ZFAND3: variants seen among roughly 807,000 people sequenced by gnomAD.
ZFAND3 encodes AN1-type zinc finger protein 3.
ZFAND3 carries 10 observed loss-of-function variants against 29.6 expected under a neutral mutation model. The ratio of observed to expected loss-of-function variants is 0.34; its 90% CI spans 0.21 to 0.57. The LOEUF (loss-of-function observed/expected upper bound fraction) is 0.57, where lower values mean the gene tolerates loss of function less well. Ranked by LOEUF, ZFAND3 falls within the 20% of genes least tolerant of loss-of-function variation. The pLI is 0.86. For missense variants in ZFAND3, 230 were observed against 304.5 expected (o/e 0.76, Z 1.82); for synonymous variants, 128 against 112.6 (o/e 1.14, Z -0.87).
rs185149386 is a variant in ZFAND3, at chr6:38,133,606, C to T, written c.529+16867C>T. On this transcript the variant is annotated intron_variant, in intron 5 of 5. Coordinates refer to ENST00000287218, the MANE Select transcript of ZFAND3 (RefSeq NM_021943.3). ...CTACTAAAAATACAAAAAAATTAGCCGGGCGTGGTGGCGGGCGCCTGTAGT... is the reference window on the plus strand; with the variant it reads ...CTACTAAAAATACAAAAAAATTAGCTGGGCGTGGTGGCGGGCGCCTGTAGT... 4.3e-3 allele frequency among the ~76,000 whole-genome samples: 647 copies of T among 151,962 alleles called. 4 individuals carry two copies. The highest frequency in any genetic ancestry group is 0.015 in the African/African-American group (603 of 41,442).
At chr6:38,088,733 T>G (rs12192549) in intron 4 of ZFAND3, among the ~76,000 whole-genome samples, 8 of 152,364 alleles carry the variant, frequency 5.3e-5, no homozygotes, top group Non-Finnish European at 1.0e-4. Flanking sequence ...GATAATATTC[T>G]CTCTGATAGA....
chr6:38,137,768 C>T (rs1765870106), intron 5 of ZFAND3, among the ~76,000 whole-genome samples: 1 of 152,054 alleles, frequency 6.6e-6, no homozygotes, highest in Non-Finnish European at 1.5e-5. Flanking sequence ...GCCAGCCATT[C>T]AGAGAGTTGG....
At chr6:38,145,734 G>A (rs942479769) in intron 5 of ZFAND3, among the ~76,000 whole-genome samples, 2 of 152,124 alleles carry the variant, frequency 1.3e-5, no homozygotes, top group African/African-American at 4.8e-5. Context: ...TAGGTATTGG[G>A]CATCTTCAGG....
intron 2 of ZFAND3, among the ~76,000 whole-genome samples, chr6:38,028,671 G>A (rs1001164309): frequency 6.6e-6 from 1 of 152,164 alleles, no homozygotes; most frequent in Non-Finnish European, 1.5e-5. Context: ...CTCCTTTGCA[G>A]TGTAGCAACA....
chr6:37,900,732 C>T (rs1277696721), intron 1 of ZFAND3, among the ~76,000 whole-genome samples: 1 of 152,056 alleles, frequency 6.6e-6, no homozygotes, highest in East Asian at 1.9e-4. Context: ...GTAAAGAGTT[C>T]GTCATGGAGC....
chr6:37,913,708 C>CTTTTTTTTTTTTTTTT lies in ZFAND3; in HGVS notation c.72-16247_72-16232dup, dbSNP rs56045448. 2.8e-3 allele frequency among the ~76,000 whole-genome samples: 320 copies of CTTTTTTTTTTTTTTTT among 113,010 alleles called. 19 individuals carry two copies. The highest frequency in any genetic ancestry group is 4.3e-3 in the Non-Finnish European group (231 of 54,336). 74.1% of individuals were successfully genotyped at this position (113,010 alleles called of 152,430 possible). A position where few individuals can be genotyped will look rare whatever the true frequency, so the allele number is the denominator to read the frequency against. On this transcript the variant is annotated intron_variant, in intron 1 of 5. Coordinates refer to ENST00000287218, the MANE Select transcript of ZFAND3 (RefSeq NM_021943.3). The stretch of plus-strand genomic sequence containing the variant: ...CCCAGCTGTCTATGGCAGCTATATT[C>CTTTTTTTTTTTTTTTT]TTTTTTTTTTTTTTTTTTTGAGACA...
intron 2 of ZFAND3, among the ~76,000 whole-genome samples, chr6:38,059,173 T>G (rs1439861530): frequency 9.2e-5 from 14 of 152,170 alleles, no homozygotes; most frequent in Admixed American, 9.2e-4. Context: ...CAGAACAAGA[T>G]AGAAGACCCG....
chr6:38,132,017 C>A (rs889711827), intron 5 of ZFAND3, among the ~76,000 whole-genome samples: 2 of 152,080 alleles, frequency 1.3e-5, no homozygotes, highest in African/African-American at 4.8e-5. Context: ...TAGAGTGTTT[C>A]CCCCCCACCA....
intron 1 of ZFAND3, among the ~76,000 whole-genome samples, chr6:37,902,623 C>T (rs1190617469): frequency 6.6e-6 from 1 of 151,998 alleles, no homozygotes; most frequent in Non-Finnish European, 1.5e-5. Context: ...ACATCTGTTT[C>T]CAATAGCTGT....
chr6:38,133,634 C>T (rs563064763), intron 5 of ZFAND3, among the ~76,000 whole-genome samples: 13 of 151,994 alleles, frequency 8.6e-5, no homozygotes, highest in Admixed American at 5.2e-4. Context: ...CCTGTAGTCC[C>T]AGCTACTCGG....
chr6:37,832,559 A>G (rs917775959), intron 1 of ZFAND3, among the ~76,000 whole-genome samples: 1 of 152,180 alleles, frequency 6.6e-6, no homozygotes, highest in Non-Finnish European at 1.5e-5. Flanking sequence ...GAAGATGGTA[A>G]TGGGTGGTGA....
chr6:37,894,038 T>G (rs1048360832), intron 1 of ZFAND3, among the ~76,000 whole-genome samples: 9 of 152,176 alleles, frequency 5.9e-5, no homozygotes, highest in South Asian at 4.2e-4. Flanking sequence ...GTGGATCCCT[T>G]GAGTCCAGGA....
intron 1 of ZFAND3, among the ~76,000 whole-genome samples, chr6:37,829,767 G>A (rs116425479): frequency 2.4e-4 from 36 of 152,258 alleles, no homozygotes; most frequent in Non-Finnish European, 3.8e-4. Flanking sequence ...GCTTAAAACC[G>A]TGCATTTTAT....
intron 5 of ZFAND3, among the ~76,000 whole-genome samples, chr6:38,144,218 A>ATATATAATAT: frequency 3.2e-5 from 1 of 31,448 alleles, no homozygotes; most frequent in African/African-American, 1.9e-4. Context: ...TATAATATAT[A>ATATATAATAT]ATATATATAT....
chr6:38,021,367 A>G (rs972898704), intron 2 of ZFAND3, among the ~76,000 whole-genome samples: 36 of 152,362 alleles, frequency 2.4e-4, no homozygotes, highest in African/African-American at 7.7e-4. Context: ...AGGGAGGACT[A>G]TGCTATTCAT....
At chr6:37,848,949 A>G (rs1764232712) in intron 1 of ZFAND3, among the ~76,000 whole-genome samples, 2 of 152,250 alleles carry the variant, frequency 1.3e-5, no homozygotes, top group South Asian at 4.1e-4. Flanking sequence ...ACTTTGATCT[A>G]GTTTGACAAG....
intron 1 of ZFAND3, 28 bp downstream of exon 1, chr6:37,820,044 G>T: frequency 3.3e-6 from 4 of 1,211,204 alleles, no homozygotes; most frequent in Non-Finnish European, 4.1e-6. Context: ...TGGGGGCGGG[G>T]GGCGGGGGCC....
chr6:38,017,040 G>A (rs1763263874), intron 2 of ZFAND3, among the ~76,000 whole-genome samples: 1 of 152,174 alleles, frequency 6.6e-6, no homozygotes, highest in Non-Finnish European at 1.5e-5. Context: ...ATCACATTGG[G>A]AAGTGGAAGT....
chr6:38,055,407 T>A (rs375585101), intron 2 of ZFAND3, among the ~76,000 whole-genome samples: 1 of 152,186 alleles, frequency 6.6e-6, no homozygotes, highest in African/African-American at 2.4e-5. Flanking sequence ...CAGTGGTGCA[T>A]GCTGTAGTGG....
Sources: gnomAD v4.1 joint callset for allele counts (sites outside exome capture counted in the v4.1 genomes callset) on GRCh38, gnomAD v4.1.1 for gene constraint, MANE v1.5 for transcripts, NCBI Gene and HGNC (gene_info 2026-07-23, HGNC 2026-07-21) for gene names.